The following TMPRSS7 variants were observed in gnomAD, a reference collection of about 807,000 sequenced individuals.
TMPRSS7 encodes the protein transmembrane serine protease 7.
Under a neutral mutation model 95.6 loss-of-function variants are expected in TMPRSS7, and 81 were observed. The observed-to-expected ratio is 0.85, with a 90% CI of 0.71 to 1.02. The LOEUF is 1.02. Ranked by LOEUF, TMPRSS7 falls within the 50% of genes least tolerant of loss-of-function variation. The pLI is 0.00. For missense variants in TMPRSS7, 945 were observed against 955.2 expected, an observed-to-expected ratio of 0.99 and a Z score of 0.14; for synonymous variants, 364 against 337.8, an observed-to-expected ratio of 1.08 and a Z score of -0.85.
At chr3:112,044,284 C>A in exon 4 of TMPRSS7, 1 of 1,551,224 alleles carries the variant, frequency 6.4e-7, no homozygotes, top group Non-Finnish European at 8.7e-7. Flanking sequence ...CATCTGCCTT[C>A]TCCAAATTTT....
chr3:112,062,204 T>G (rs1453738252), intron 11 of TMPRSS7, among the ~76,000 whole-genome samples: 1 of 152,184 alleles, frequency 6.6e-6, no homozygotes, highest in Non-Finnish European at 1.5e-5. Context: ...CTTACACTAT[T>G]CCTTAAAGAC....
At chr3:112,046,987 G>A (rs1561911) in exon 6 of TMPRSS7, 658,642 of 702,542 alleles carry the variant, frequency 0.94, 311,144 homozygotes, top group East Asian at 1. Flanking sequence ...GGCTTCGGTC[G>A]GATTACTCGT....
At chr3:112,077,274 G>T in intron 16 of TMPRSS7, 130 bp downstream of exon 16, 4 of 1,034,280 alleles carry the variant, frequency 3.9e-6, no homozygotes, top group Non-Finnish European at 5.6e-6. Context: ...ACTCTGGAAG[G>T]TTGGATTGGA....
intron 14 of TMPRSS7, among the ~76,000 whole-genome samples, chr3:112,074,817 A>T (rs1161533906): frequency 1.3e-5 from 2 of 152,214 alleles, no homozygotes; most frequent in African/African-American, 4.8e-5. Context: ...ACATGCTCCT[A>T]TTAGTCATGT....
intron 10 of TMPRSS7, among the ~76,000 whole-genome samples, chr3:112,058,198 T>C (rs1460829758): frequency 6.6e-6 from 1 of 152,246 alleles, no homozygotes; most frequent in Non-Finnish European, 1.5e-5. Context: ...CAAACTTCTT[T>C]CAATTCCTTT....
chr3:112,069,581 C>T (rs1385402101), intron 13 of TMPRSS7, among the ~76,000 whole-genome samples: 1 of 152,148 alleles, frequency 6.6e-6, no homozygotes, highest in Non-Finnish European at 1.5e-5. Context: ...GGAATTTATC[C>T]ATTTCTTCTA....
At chr3:112,059,876 C>T (rs1211700032) in intron 10 of TMPRSS7, among the ~76,000 whole-genome samples, 5 of 152,180 alleles carry the variant, frequency 3.3e-5, no homozygotes, top group South Asian at 2.1e-4. Context: ...GCCTGTTTCC[C>T]GAGTGCTTTA....
chr3:112,065,684 A>C (rs902853487), intron 12 of TMPRSS7, among the ~76,000 whole-genome samples: 2 of 152,238 alleles, frequency 1.3e-5, no homozygotes, highest in African/African-American at 4.8e-5. Context: ...TAGCTCTGAA[A>C]AAACAGGTGC....
Position 112,066,377 on chromosome 3 carries a change from T to C in TMPRSS7, c.1556-15T>C, listed in dbSNP as rs1485719493. ...CTCAGGCTCGTGAACTTTCTGTTTT[T>C]ATTTTTTATTCTAGTGAGCCCTCAA... On this transcript the variant is annotated splice_polypyrimidine_tract_variant and intron_variant, in intron 12 of 17. Coordinates refer to ENST00000452346, the Ensembl canonical transcript of TMPRSS7. 6 of 1,612,638 alleles carry C rather than the reference T, an allele frequency of 3.7e-6. No homozygotes were observed. Among genetic ancestry groups the C allele is most frequent in the Non-Finnish European group, 5.1e-6 (6 of 1,179,182 alleles).
At chr3:112,047,304 C>T in intron 6 of TMPRSS7, 1 of 610,284 alleles carries the variant, frequency 1.6e-6, no homozygotes, top group South Asian at 1.6e-5. Context: ...TGCTCTTCCA[C>T]TGTATTTGTA....
intron 7 of TMPRSS7, among the ~76,000 whole-genome samples, chr3:112,048,427 A>G (rs1315141643): frequency 6.6e-6 from 1 of 152,216 alleles, no homozygotes; most frequent in Non-Finnish European, 1.5e-5. Context: ...TCACAACCTC[A>G]TTATTCAGAG....
chr3:112,045,847 A>G (rs749820920), exon 5 of TMPRSS7: 1 of 1,551,824 alleles, frequency 6.4e-7, no homozygotes, highest in South Asian at 1.2e-5. Flanking sequence ...TGTTGCCGCC[A>G]TCTTGAAGGA....
intron 17 of TMPRSS7, among the ~76,000 whole-genome samples, chr3:112,079,872 G>A (rs571797908): frequency 1.3e-5 from 2 of 152,118 alleles, no homozygotes; most frequent in Admixed American, 1.3e-4. Context: ...ATTGCCTAAG[G>A]TCATACAGCT....
intron 9 of TMPRSS7, among the ~76,000 whole-genome samples, chr3:112,055,900 T>G (rs1271016741): frequency 1.3e-5 from 2 of 152,118 alleles, no homozygotes; most frequent in African/African-American, 4.8e-5. Flanking sequence ...AAGAGAGAAG[T>G]GGGCAATGCC....
At chr3:112,080,240 T>C (rs1359651360) in intron 17 of TMPRSS7, among the ~76,000 whole-genome samples, 3 of 152,220 alleles carry the variant, frequency 2.0e-5, no homozygotes, top group Non-Finnish European at 4.4e-5. Context: ...CTTTGAATTG[T>C]TTAAGCCTTT....
chr3:112,037,042 G>A (rs570565649), intron 1 of TMPRSS7, among the ~76,000 whole-genome samples: 9 of 152,184 alleles, frequency 5.9e-5, no homozygotes, highest in South Asian at 4.2e-4. Flanking sequence ...TGATGATTGC[G>A]TTAACTGCAC....
At chr3:112,060,757 C>T (rs995663175) in intron 10 of TMPRSS7, among the ~76,000 whole-genome samples, 4 of 151,336 alleles carry the variant, frequency 2.6e-5, no homozygotes, top group African/African-American at 9.8e-5. Context: ...GACATACATC[C>T]TCCTCACCTT....
At chr3:112,080,716 G>A (rs909180035) in intron 17 of TMPRSS7, among the ~76,000 whole-genome samples, 198 bp from the exon 18 acceptor site, 10 of 152,124 alleles carry the variant, frequency 6.6e-5, no homozygotes, top group African/African-American at 2.4e-4. Flanking sequence ...GAATGCAGCT[G>A]TTTGATTATA....
intron 10 of TMPRSS7, among the ~76,000 whole-genome samples, chr3:112,058,706 C>T (rs4682353): frequency 0.23 from 35,363 of 152,058 alleles, 4,298 homozygotes; most frequent in Middle Eastern, 0.28. Context: ...AAGCCTGTGA[C>T]GGAGCTGTGC....
Sources: gnomAD v4.1 joint callset for allele counts (sites outside exome capture counted in the v4.1 genomes callset) on GRCh38, gnomAD v4.1.1 for gene constraint, MANE v1.5 for transcripts, NCBI Gene and HGNC (gene_info 2026-07-23, HGNC 2026-07-21) for gene names.